Variants in MGAT1 observed in about 807,000 individuals in gnomAD.
MGAT1 encodes alpha-1,3-mannosyl-glycoprotein 2-beta-N-acetylglucosaminyltransferase.
A neutral mutation model predicts 31.7 loss-of-function variants in MGAT1; 14 were observed. The ratio of observed to expected loss-of-function variants is 0.44; its 90% CI spans 0.29 to 0.69. The LOEUF (loss-of-function observed/expected upper bound fraction) is 0.69, where lower values mean the gene tolerates loss of function less well. Ranked by LOEUF, MGAT1 falls within the 30% of genes least tolerant of loss-of-function variation. The pLI, the probability that MGAT1 is intolerant of heterozygous loss-of-function variation, is 0.12. For synonymous variants in MGAT1, 338 were observed against 276.0 expected (o/e 1.22, Z -2.23); for missense variants, 557 against 626.0 (o/e 0.89, Z 1.18).
rs377323937 is a variant in MGAT1, at chr5:180,792,168, G to A, written c.804C>T (p.Gly268=). The A allele has an allele frequency of 5.0e-6, 8 of 1,612,962 alleles. No homozygotes were observed. Among genetic ancestry groups the A allele is most frequent in the Non-Finnish European group, 6.8e-6 (8 of 1,179,992 alleles). Residue 268 remains glycine (G), a synonymous_variant, in exon 2 of 2, where the codon GGC becomes GGT. Coordinates refer to ENST00000307826, the MANE Select transcript of MGAT1 (RefSeq NM_002406.4). ...LYRTDFFPGL[G]WLLLAELWAE... Reference sequence around the variant, plus strand: ...CCCAGAGCTCGGCCAACAGCAGCCAGCCCAGGCCAGGGAAAAAGTCGGTGC... The same window carrying A: ...CCCAGAGCTCGGCCAACAGCAGCCAACCCAGGCCAGGGAAAAAGTCGGTGC...
intron 1 of MGAT1, among the ~76,000 whole-genome samples, chr5:180,796,836 T>G (rs1391667062): frequency 6.6e-6 from 1 of 152,142 alleles, no homozygotes; most frequent in African/African-American, 2.4e-5. Flanking sequence ...GGTGTTGAAC[T>G]CCTGACCTCA....
At chr5:180,796,110 C>A (rs1383154272) in intron 1 of MGAT1, among the ~76,000 whole-genome samples, 1 of 152,220 alleles carries the variant, frequency 6.6e-6, no homozygotes, top group Non-Finnish European at 1.5e-5. Flanking sequence ...CTCTGCCTCA[C>A]AGGCTACTCT....
At chr5:180,815,244 A>T (rs1772803385) in intron 1 of MGAT1, among the ~76,000 whole-genome samples, 1 of 152,104 alleles carries the variant, frequency 6.6e-6, no homozygotes. Context: ...TTCATGATCC[A>T]ATCACCTCTT....
At position 180,791,920 on chromosome 5, in the gene MGAT1, C is replaced by T. The variant is rs774787876; in HGVS notation, c.1052G>A (p.Arg351Gln). The T allele has an allele frequency of 1.3e-5, 21 of 1,614,090 alleles. No individual in the cohort carries two copies. The highest frequency in any genetic ancestry group is 1.8e-5 in the Non-Finnish European group (21 of 1,180,058). ...FTQLDLSYLQ[R>Q]EAYDRDFLAR... ...GAGGAAATCTCGGTCATAGGCCTCC[C>T]GCTGCAGGTAAGACAGGTCCAGCTG... The change falls in exon 2 of 2, where the codon CGG (arginine) becomes CAG (glutamine). Residue 351 changes from arginine to glutamine, a missense_variant. Arg to Gln is a conservative substitution (Grantham distance 43, BLOSUM62 1). Coordinates refer to ENST00000307826, the MANE Select transcript of MGAT1 (RefSeq NM_002406.4).
chr5:180,793,216 TTG>T, intron 1 of MGAT1, 119 bp from the exon 2 acceptor site: 1 of 560,662 alleles, frequency 1.8e-6, no homozygotes, highest in Non-Finnish European at 3.1e-6. Context: ...GGCCAGGAGG[TTG>T]ACTCCAGAGC....
In MGAT1 at chr5:180,784,850, A is replaced by G. The variant is rs1219139972; in HGVS notation, c.*6784T>C. The G allele has an allele frequency of 6.6e-6, 1 of 152,248 alleles. No individual in the cohort carries two copies. Among genetic ancestry groups the G allele is most frequent in the Non-Finnish European group, 1.5e-5 (1 of 68,054 alleles). 9.4% of individuals were successfully genotyped at this position (152,248 alleles called of 1,614,324 possible). A position where few individuals can be genotyped will look rare whatever the true frequency, so the allele number is the denominator to read the frequency against. ...GGTAGTTACACGATAAGCACATATTACTTATATACGAAAAAAGTTATTTAA... is the reference window on the plus strand; with the variant it reads ...GGTAGTTACACGATAAGCACATATTGCTTATATACGAAAAAAGTTATTTAA... On this transcript the variant is annotated 3_prime_UTR_variant, in exon 2 of 2. Coordinates refer to ENST00000307826, the MANE Select transcript of MGAT1 (RefSeq NM_002406.4).
At chr5:180,796,475 T>C (rs947345454) in intron 1 of MGAT1, among the ~76,000 whole-genome samples, 2 of 152,242 alleles carry the variant, frequency 1.3e-5, no homozygotes, top group African/African-American at 4.8e-5. Flanking sequence ...GTCGTTTCAG[T>C]TGGCCTTACT....
intron 1 of MGAT1, chr5:180,795,968 G>A (rs1769276212): frequency 6.5e-6 from 1 of 152,824 alleles, no homozygotes. Flanking sequence ...GAAAGGATCT[G>A]AAACACTCCC....
intron 1 of MGAT1, among the ~76,000 whole-genome samples, chr5:180,814,057 G>T (rs79917991): frequency 0.021 from 3,143 of 152,034 alleles, 56 homozygotes; most frequent in Non-Finnish European, 0.03. Flanking sequence ...TCAATGTTTT[G>T]TTGGCCATTT....
chr5:180,807,881 A>C (rs1041269020), intron 2 of MGAT1, among the ~76,000 whole-genome samples: 2 of 152,210 alleles, frequency 1.3e-5, no homozygotes, highest in African/African-American at 4.8e-5. Flanking sequence ...CCTGACTCAG[A>C]GTTGTTTCTG....
intron 1 of MGAT1, among the ~76,000 whole-genome samples, chr5:180,801,404 T>C (rs1016204549): frequency 1.7e-4 from 26 of 152,178 alleles, no homozygotes; most frequent in African/African-American, 6.0e-4. Flanking sequence ...TCACAGGTAA[T>C]GGAACTCTAA....
In MGAT1 at chr5:180,792,137, G is replaced by A. The variant is rs766948057; in HGVS notation, c.835C>T (p.Leu279=). ...AAGGCCTTTGGCCACTTGGGCTCCA[G>A]CTCAGCCCAGAGCTCGGCCAACAGC... ...WLLLAELWAE[L]EPKWPKAFWD... is the part of the protein sequence containing the mutation. The change falls in exon 2 of 2, where the codon CTG becomes TTG. Residue 279 remains leucine, a synonymous_variant. Coordinates refer to ENST00000307826, the MANE Select transcript of MGAT1 (RefSeq NM_002406.4). 1.2e-6 allele frequency: 2 copies of A among 1,613,086 alleles called. No individual in the cohort carries two copies. Among genetic ancestry groups the A allele is most frequent in the East Asian group, 4.5e-5 (2 of 44,874 alleles).
intron 1 of MGAT1, chr5:180,795,298 T>TATATATATATATATAC (rs549042117): frequency 1.3e-4 from 19 of 149,012 alleles, no homozygotes; most frequent in East Asian, 7.9e-4. Context: ...TATATATATA[T>TATATATATATATATAC]ACACACACAC....
upstream of MGAT1, among the ~76,000 whole-genome samples, chr5:180,806,295 T>C (rs1456549665): frequency 6.6e-6 from 1 of 151,736 alleles, no homozygotes; most frequent in Admixed American, 6.6e-5. Flanking sequence ...AAAAAAAAAA[T>C]GCACACACAG....
chr5:180,804,920 G>A (rs942115234), upstream of MGAT1, among the ~76,000 whole-genome samples: 28 of 152,184 alleles, frequency 1.8e-4, no homozygotes, highest in African/African-American at 6.8e-4. Context: ...AAGGCTCACA[G>A]GAAGATCCAA....
At chr5:180,801,238 T>G (rs139676523) in intron 1 of MGAT1, among the ~76,000 whole-genome samples, 55 of 152,392 alleles carry the variant, frequency 3.6e-4, no homozygotes, top group Middle Eastern at 3.4e-3. Context: ...GAACACCAGA[T>G]AGTCAACTTC....
chr5:180,800,314 T>G (rs1394151734), intron 1 of MGAT1, among the ~76,000 whole-genome samples: 1 of 152,216 alleles, frequency 6.6e-6, no homozygotes, highest in Non-Finnish European at 1.5e-5. Flanking sequence ...TTTAGTGGCT[T>G]AAAACAATAG....
At chr5:180,813,524 G>A (rs1000025361) in intron 1 of MGAT1, among the ~76,000 whole-genome samples, 3 of 152,134 alleles carry the variant, frequency 2.0e-5, no homozygotes, top group Admixed American at 1.3e-4. Flanking sequence ...ACCGCTAGCT[G>A]GGCCAAAAGT....
chr5:180,805,009 G>C (rs1771646210), upstream of MGAT1, among the ~76,000 whole-genome samples: 1 of 152,110 alleles, frequency 6.6e-6, no homozygotes, highest in Non-Finnish European at 1.5e-5. Flanking sequence ...GCTTCATGGA[G>C]GCAAAAGCAA....
Sources: gnomAD v4.1 joint callset for allele counts (sites outside exome capture counted in the v4.1 genomes callset) on GRCh38, gnomAD v4.1.1 for gene constraint, MANE v1.5 for transcripts, NCBI Gene and HGNC (gene_info 2026-07-23, HGNC 2026-07-21) for gene names.